Variants in KLK7 observed in about 807,000 individuals in gnomAD.
KLK7 encodes kallikrein related peptidase 7.
KLK7 carries 17 observed loss-of-function variants against 21.0 expected under a neutral mutation model. That is an observed-to-expected ratio of 0.81 (90% CI 0.55 to 1.21). The LOEUF (loss-of-function observed/expected upper bound fraction) is 1.21, where lower values mean the gene tolerates loss of function less well. Among genes scored for constraint, KLK7 ranks in the 50% most tolerant of loss-of-function variants. The pLI, the probability that KLK7 is intolerant of heterozygous loss-of-function variation, is 0.00. For missense variants in KLK7, 330 were observed against 322.8 expected, an observed-to-expected ratio of 1.02 and a Z score of -0.17; for synonymous variants, 151 against 134.6, an observed-to-expected ratio of 1.12 and a Z score of -0.85.
chr19:50,978,677 G>C (rs928350149), intron 5 of KLK7, among the ~76,000 whole-genome samples: 1 of 147,178 alleles, frequency 6.8e-6, no homozygotes, highest in African/African-American at 2.5e-5. Flanking sequence ...AGAGAGACTG[G>C]AAGAGAGGAG....
rs141641083 is a variant in KLK7, at chr19:50,981,784, G to A, written c.204C>T (p.Ala68=). ...GCACCTACTTCATCTTGCAGTGGGC[G>A]GCAGTGAGCACCCAGCGCTCATTGA... ...VLVNERWVLT[A]AHCKMNEYTV... Residue 68 remains alanine, a synonymous_variant, in exon 3 of 6, where the codon GCC becomes GCT. Transcript: ENST00000595820. 429 of 1,580,990 alleles carry A rather than the reference G, an allele frequency of 2.7e-4. 1 individual carries two copies. The highest frequency in any genetic ancestry group is 1.8e-3 in the Admixed American group (93 of 52,304).
chr19:50,977,302 T>G lies in KLK7; in HGVS notation c.*234A>C. ...AGACTGTACGAACGTCCAGTTCCAG[T>G]GTTTGAGAGTGCTGGTCTCACTGAC... On this transcript the variant is annotated 3_prime_UTR_variant, in exon 6 of 6. Transcript: ENST00000595820. 1 of 504,656 alleles carries G rather than the reference T, an allele frequency of 2.0e-6. No individual in the cohort carries two copies. The allele number at this position is 504,656 out of a possible 1,614,324, so 31.3% of individuals were successfully genotyped here.
intron 1 of KLK7, 131 bp from the exon 2 acceptor site, chr19:50,982,588 C>A: frequency 1.2e-5 from 4 of 335,624 alleles, no homozygotes; most frequent in South Asian, 3.5e-5. Context: ...GGGGTCCAGG[C>A]CCCAGCCCCT....
chr19:50,982,707 T>C (rs2091099613), intron 1 of KLK7, among the ~76,000 whole-genome samples: 1 of 136,918 alleles, frequency 7.3e-6, no homozygotes, highest in African/African-American at 2.9e-5. Context: ...ACCCCTAACC[T>C]CCTCCTCCCT....
rs1197014869 is a variant in KLK7, at chr19:50,977,383, T to A, written c.*153A>T. ...TTTATTTGTTTTGGTTTTAGGTCTT[T>A]ACCAATTTGATTGGTTTATCAACAG... On this transcript the variant is annotated 3_prime_UTR_variant, in exon 6 of 6. Coordinates refer to ENST00000595820, the MANE Select transcript of KLK7 (RefSeq NM_005046.4). The A allele has an allele frequency of 1.3e-6, 1 of 748,908 alleles. No homozygotes were observed. Among genetic ancestry groups the A allele is most frequent in the Non-Finnish European group, 2.2e-6 (1 of 456,282 alleles). The allele number at this position is 748,908 out of a possible 1,614,324, so 46.4% of individuals were successfully genotyped here. A position where few individuals can be genotyped will look rare whatever the true frequency, so the allele number is the denominator to read the frequency against.
intron 5 of KLK7, among the ~76,000 whole-genome samples, chr19:50,979,463 A>G (rs1701922): frequency 1.3e-5 from 2 of 152,016 alleles, no homozygotes; most frequent in Non-Finnish European, 2.9e-5. Flanking sequence ...TAAATATTGC[A>G]TTATGATTTA....
At chr19:50,978,253 C>T (rs970265191) in intron 5 of KLK7, among the ~76,000 whole-genome samples, 2 of 152,094 alleles carry the variant, frequency 1.3e-5, no homozygotes, top group Admixed American at 1.3e-4. Flanking sequence ...TGGCCCTCAC[C>T]AGGGGAGAAG....
upstream of KLK7, chr19:50,984,050 G>T (rs988204464): frequency 3.5e-5 from 20 of 576,476 alleles, no homozygotes; most frequent in African/African-American, 3.5e-4. Context: ...GAACCCTGAC[G>T]CAGCGAGAGC....
rs1349012252 is a variant in KLK7 at position 50,980,299 on chromosome 19, C to G, written c.410G>C (p.Cys137Ser). 1 of 1,613,878 alleles carries G rather than the reference C, an allele frequency of 6.2e-7. No individual in the cohort carries two copies. The highest frequency in any genetic ancestry group is 8.5e-7 in the Non-Finnish European group (1 of 1,179,970). ...MVKKVRLPSR[C>S]EPPGTTCTVS... ...AGTACAGGTGGTTCCAGGGGGTTCGCAGCGGGAGGGCAGCCTGACTTTCTT... is the reference window on the plus strand; with the variant it reads ...AGTACAGGTGGTTCCAGGGGGTTCGGAGCGGGAGGGCAGCCTGACTTTCTT... Residue 137 changes from cysteine (C) to serine (S), a missense_variant, in exon 4 of 6, where the codon TGC (cysteine) becomes TCC (serine). Physicochemically the swap from Cys to Ser is moderately radical, Grantham distance 112 (BLOSUM62 -1). Transcript: ENST00000595820.
intron 5 of KLK7, among the ~76,000 whole-genome samples, chr19:50,978,061 G>A (rs576738611): frequency 2.1e-4 from 32 of 152,314 alleles, no homozygotes; most frequent in South Asian, 1.9e-3. Context: ...CGATGGTCTC[G>A]GAGACCAGGG....
chr19:50,979,877 G>A lies in KLK7; in HGVS notation c.517C>T (p.Pro173Ser). ...TTGTAAACCTTCGTGCAGTCCTGGGGGGAGATGAGCTTGACATCCACGCAC... is the reference window on the plus strand; with the variant it reads ...TTGTAAACCTTCGTGCAGTCCTGGGAGGAGATGAGCTTGACATCCACGCAC... ...LMCVDVKLIS[P>S]QDCTKVYKDL... is the part of the protein sequence containing the mutation. The change falls in exon 5 of 6, where the codon CCC (proline) becomes TCC (serine). Residue 173 changes from proline (P) to serine (S), a missense_variant. Pro to Ser is a moderately conservative substitution (Grantham distance 74). Transcript: ENST00000595820. 6.3e-7 allele frequency: 1 copy of A among 1,592,038 alleles called. No homozygotes were observed. The highest frequency in any genetic ancestry group is 1.1e-5 in the South Asian group (1 of 87,222).
Sources: allele counts gnomAD v4.1 joint callset (sites outside exome capture counted in the v4.1 genomes callset), GRCh38; gene constraint gnomAD v4.1.1; transcripts MANE v1.5; gene names NCBI Gene and HGNC (gene_info 2026-07-23, HGNC 2026-07-21).